VPS35L: variants seen among roughly 807,000 people sequenced by gnomAD.
VPS35L encodes the protein VPS35 endosomal protein sorting factor like, also known as VPS35 endosomal protein-sorting factor-like.
Under a neutral mutation model 133.0 loss-of-function variants are expected in VPS35L, and 83 were observed. The observed-to-expected ratio is 0.62, with a 90% CI of 0.52 to 0.75. The LOEUF (loss-of-function observed/expected upper bound fraction) is 0.75. VPS35L is among the 30% of genes least tolerant of loss of function. The pLI is 0.00. For synonymous variants in VPS35L, 423 were observed against 449.9 expected, an observed-to-expected ratio of 0.94 and a Z score of 0.76; for missense variants, 1,083 against 1,206.8, an observed-to-expected ratio of 0.90 and a Z score of 1.52.
intron 21 of VPS35L, among the ~76,000 whole-genome samples, chr16:19,640,647 T>C (rs1309886429): frequency 6.6e-6 from 1 of 152,220 alleles, no homozygotes; most frequent in Non-Finnish European, 1.5e-5. Context: ...AAAATCAAAT[T>C]TAGTTCTTTT....
rs1235385102 is a variant in VPS35L, at chr16:19,633,811, C to G, written c.1635+639C>G. On this transcript the variant is annotated intron_variant, in intron 19 of 30. Transcript: ENST00000417362. This position sits in a 1 kb window ranked among gnomAD's most constrained non-coding sequence, Gnocchi z 4.1. ...GGAGTGCAGTGGTGCGATCTTGGCT[C>G]ATTGCAACCTCCACCTTCAATTCTT... Among the ~76,000 whole-genome samples, 1 of 152,102 alleles carries G rather than the reference C, an allele frequency of 6.6e-6. No individual in the cohort carries two copies. Among genetic ancestry groups the G allele is most frequent in the South Asian group, 2.1e-4 (1 of 4,824 alleles).
In VPS35L at chr16:19,628,654, A is replaced by C; in HGVS notation, c.1401A>C (p.Ser467=). 6.3e-7 allele frequency: 1 copy of C among 1,583,772 alleles called. No homozygotes were observed. Among genetic ancestry groups the C allele is most frequent in the Non-Finnish European group, 8.6e-7 (1 of 1,158,966 alleles). The change falls in exon 17 of 31, where the codon TCA becomes TCC. Residue 467 remains serine, a synonymous_variant. Coordinates refer to ENST00000417362, the MANE Select transcript of VPS35L (RefSeq NM_020314.7). ...TTTCTTAGCATCTTCTTTTTCGATC[A>C]CTGGGATTAAACTTGGCCTTGGCTG... ...SGFPKHLLFR[S]LGLNLALADP...
intron 28 of VPS35L, among the ~76,000 whole-genome samples, chr16:19,688,508 C>T (rs1975544964): frequency 1.3e-5 from 2 of 152,206 alleles, no homozygotes; most frequent in South Asian, 4.1e-4. Context: ...GAGGCACAGG[C>T]ATGGCTCTTG....
At chr16:19,684,161 G>A (rs1253497634) in intron 28 of VPS35L, among the ~76,000 whole-genome samples, 5 of 152,100 alleles carry the variant, frequency 3.3e-5, no homozygotes, top group African/African-American at 9.7e-5. Flanking sequence ...CCTGCTACCA[G>A]ACATTTTGAA....
chr16:19,699,414 T>C lies in VPS35L; in HGVS notation c.2647-88T>C. The C allele has an allele frequency of 6.6e-7, 1 of 1,511,580 alleles. No homozygotes were observed. The highest frequency in any genetic ancestry group is 9.0e-7 in the Non-Finnish European group (1 of 1,110,106). The allele number at this position is 1,511,580 out of a possible 1,614,324, so 93.6% of individuals were successfully genotyped here. On this transcript the variant is annotated intron_variant, in intron 29 of 30. Transcript: ENST00000417362. This position sits in a 1 kb window ranked among gnomAD's most constrained non-coding sequence, Gnocchi z 4.2. ...CTGGCACTGGAACTCAGGCATGACC[T>C]ACCCCAGAGTCAGCACTGTCCACAG...
intron 26 of VPS35L, 103 bp from the exon 27 acceptor site, chr16:19,669,057 C>G (rs1051542408): frequency 1.6e-6 from 2 of 1,263,998 alleles, no homozygotes; most frequent in African/African-American, 1.5e-5. Context: ...CATGGCCTGG[C>G]TTCTACCTAA....
intron 29 of VPS35L, among the ~76,000 whole-genome samples, chr16:19,696,557 A>T (rs1358342552): frequency 6.6e-6 from 1 of 152,050 alleles, no homozygotes; most frequent in Non-Finnish European, 1.5e-5. Context: ...CAGTTCTCAT[A>T]GGAAAAGCAG....
intron 28 of VPS35L, among the ~76,000 whole-genome samples, chr16:19,689,340 G>A (rs377161671): frequency 3.3e-5 from 5 of 151,182 alleles, no homozygotes; most frequent in Non-Finnish European, 7.4e-5. Context: ...GCTCCATCTC[G>A]GCTCACTGCA....
At chr16:19,635,738 A>G (rs1973603567) in intron 19 of VPS35L, among the ~76,000 whole-genome samples, 2 of 152,230 alleles carry the variant, frequency 1.3e-5, no homozygotes, top group Admixed American at 6.5e-5. Context: ...CTACTCTCAT[A>G]TAGTTCAGGG....
chr16:19,631,039 A>C (rs1275455910), intron 18 of VPS35L, among the ~76,000 whole-genome samples: 1 of 151,974 alleles, frequency 6.6e-6, no homozygotes, highest in Non-Finnish European at 1.5e-5. Context: ...ATAAGTCCTG[A>C]GTTGCTCACT....
At chr16:19,634,921 C>T (rs926854768) in intron 19 of VPS35L, among the ~76,000 whole-genome samples, 9 of 152,170 alleles carry the variant, frequency 5.9e-5, no homozygotes, top group African/African-American at 2.2e-4. Flanking sequence ...AGCAAAAGGC[C>T]ATCATGTGCC....
At chr16:19,628,978 G>C (rs1358758652) in intron 17 of VPS35L, among the ~76,000 whole-genome samples, 1 of 152,058 alleles carries the variant, frequency 6.6e-6, no homozygotes, top group Non-Finnish European at 1.5e-5. Flanking sequence ...TTTTAGTAGA[G>C]ACAGGTTTTC....
intron 7 of VPS35L, among the ~76,000 whole-genome samples, chr16:19,588,338 C>T (rs899157573): frequency 6.6e-6 from 1 of 151,778 alleles, no homozygotes; most frequent in Admixed American, 6.6e-5. Flanking sequence ...GGGCATCTGC[C>T]ACCATGCCCG....
At chr16:19,585,597 GC>G (rs1470596043) in intron 7 of VPS35L, among the ~76,000 whole-genome samples, 1 of 151,724 alleles carries the variant, frequency 6.6e-6, no homozygotes, top group Non-Finnish European at 1.5e-5. Context: ...TAGAGACAGG[GC>G]CATGCTGTGT....
intron 20 of VPS35L, among the ~76,000 whole-genome samples, chr16:19,638,208 C>A (rs1243921615): frequency 6.6e-6 from 1 of 152,308 alleles, no homozygotes; most frequent in Middle Eastern, 3.4e-3. Flanking sequence ...TCACTTCCCT[C>A]TTCCAGGTTC....
Position 19,564,944 on chromosome 16 carries a change from C to G in VPS35L, c.111C>G (p.Pro37=). The change falls in exon 2 of 31, where the codon CCC becomes CCG. Residue 37 remains proline (P), a synonymous_variant. Transcript: ENST00000417362. The part of the protein sequence containing the change: ...LEFGDYHPLK[P]ITVTESKTKK... ...TTGGGGACTATCACCCTCTGAAACCCATAACTGTAAGTTTTGTTAAGGGTC... is the reference window on the plus strand; with the variant it reads ...TTGGGGACTATCACCCTCTGAAACCGATAACTGTAAGTTTTGTTAAGGGTC... The G allele has an allele frequency of 6.2e-7, 1 of 1,603,512 alleles. No individual in the cohort carries two copies. Among genetic ancestry groups the G allele is most frequent in the African/African-American group, 1.3e-5 (1 of 74,776 alleles).
rs1271778731 is a variant in VPS35L, at chr16:19,591,787, T to C, written c.640-3T>C. The C allele has an allele frequency of 6.2e-7, 1 of 1,608,888 alleles. No individual in the cohort carries two copies. Among genetic ancestry groups the C allele is most frequent in the African/African-American group, 1.3e-5 (1 of 74,786 alleles). On this transcript the variant is annotated splice_polypyrimidine_tract_variant and splice_region_variant and intron_variant, in intron 7 of 30. Coordinates refer to ENST00000417362, the MANE Select transcript of VPS35L (RefSeq NM_020314.7). ...AATTTTCTCTTTTTTTCTCTTTTTT[T>C]AGTGTTCAAAGCTTCTTTCAGACAC...
At chr16:19,626,772 GA>G (rs913673414) in intron 15 of VPS35L, among the ~76,000 whole-genome samples, 10 of 151,850 alleles carry the variant, frequency 6.6e-5, no homozygotes, top group South Asian at 2.1e-4. Flanking sequence ...AAAAACAAAA[GA>G]AAAAAAGTAA....
chr16:19,618,421 G>C (rs1972968435), intron 14 of VPS35L, among the ~76,000 whole-genome samples: 1 of 152,212 alleles, frequency 6.6e-6, no homozygotes, highest in Non-Finnish European at 1.5e-5. Context: ...ACTGGTTATG[G>C]TATGTGCATT....
Sources: gnomAD v4.1 joint callset for allele counts (sites outside exome capture counted in the v4.1 genomes callset) on GRCh38, gnomAD v4.1.1 for gene constraint, Gnocchi (gnomAD v3.1) non-coding constraint, MANE v1.5 for transcripts, NCBI Gene and HGNC (gene_info 2026-07-23, HGNC 2026-07-21) for gene names.